C1orf21: variants seen among roughly 807,000 people sequenced by gnomAD.
C1orf21 encodes chromosome 1 open reading frame 21, also known as uncharacterized protein C1orf21.
A neutral mutation model predicts 18.7 loss-of-function variants in C1orf21; 3 were observed. The observed-to-expected ratio is 0.16, with a 90% CI of 0.07 to 0.42. C1orf21 has a LOEUF of 0.42. Ranked by LOEUF, C1orf21 falls within the 10% of genes least tolerant of loss-of-function variation. C1orf21 has a pLI of 0.99. For synonymous variants in C1orf21, 41 were observed against 46.4 expected (o/e 0.88, Z 0.47); for missense variants, 104 against 143.6 (o/e 0.72, Z 1.41).
intron 3 of C1orf21, among the ~76,000 whole-genome samples, chr1:184,535,156 G>T (rs1037808231): frequency 3.9e-5 from 6 of 152,330 alleles, no homozygotes; most frequent in Non-Finnish European, 8.8e-5. Flanking sequence ...ACTACGATCT[G>T]TTGTAGGGAA....
At chr1:184,617,872 A>C (rs1307407826) in intron 5 of C1orf21, among the ~76,000 whole-genome samples, 1 of 150,742 alleles carries the variant, frequency 6.6e-6, no homozygotes, top group African/African-American at 2.4e-5. Flanking sequence ...CACAGGCCTG[A>C]AGACTTCATT....
intron 4 of C1orf21, among the ~76,000 whole-genome samples, chr1:184,596,957 GA>G (rs1046121561): frequency 6.6e-6 from 1 of 151,866 alleles, no homozygotes; most frequent in Admixed American, 6.6e-5. Flanking sequence ...ATGAAATTTA[GA>G]AAGATTTGCA....
intron 3 of C1orf21, chr1:184,566,969 A>C: frequency 3.8e-6 from 2 of 528,136 alleles, no homozygotes; most frequent in South Asian, 2.8e-5. Context: ...CTTCTCTGTG[A>C]ATCAGGGTCC....
chr1:184,552,375 A>C (rs1366232976), intron 3 of C1orf21, among the ~76,000 whole-genome samples: 1 of 152,224 alleles, frequency 6.6e-6, no homozygotes, highest in Non-Finnish European at 1.5e-5. Context: ...AGAAATTGGC[A>C]ACTTTTTTGT....
In C1orf21 at chr1:184,591,530, G is replaced by A. The variant is rs533879414; in HGVS notation, c.266+715G>A. Among the ~76,000 whole-genome samples the A allele has an allele frequency of 2.0e-5, 3 of 152,312 alleles. No individual in the cohort carries two copies. In the South Asian group the frequency reaches 6.2e-4, roughly 32 times the overall value. ...AAATGTCCATTGAAAATATAGGTCG[G>A]GCATGGTGGCTCACGCCTGTAATCC... On this transcript the variant is annotated intron_variant, in intron 4 of 5. Transcript: ENST00000235307.
At chr1:184,543,214 G>T (rs772685306) in intron 3 of C1orf21, among the ~76,000 whole-genome samples, 3 of 152,126 alleles carry the variant, frequency 2.0e-5, no homozygotes, top group Non-Finnish European at 4.4e-5. Context: ...GGGCTAGGTG[G>T]TGGTGTGTGC....
chr1:184,395,686 A>C (rs942702652), intron 1 of C1orf21, among the ~76,000 whole-genome samples: 2 of 152,146 alleles, frequency 1.3e-5, no homozygotes, highest in Admixed American at 6.5e-5. Context: ...AGTGGGAAGC[A>C]GACTGTGCAT....
At chr1:184,504,565 G>A (rs1459577631) in intron 2 of C1orf21, among the ~76,000 whole-genome samples, 1 of 152,188 alleles carries the variant, frequency 6.6e-6, no homozygotes, top group Non-Finnish European at 1.5e-5. Flanking sequence ...GCCTTGCCTT[G>A]GGAATGTGTG....
At chr1:184,595,688 C>A (rs370751732) in intron 4 of C1orf21, among the ~76,000 whole-genome samples, 2 of 152,226 alleles carry the variant, frequency 1.3e-5, no homozygotes. Flanking sequence ...ACAGGTGACC[C>A]GTGTGGGCAT....
chr1:184,548,214 AACACACACAC>A (rs58174774), intron 3 of C1orf21, among the ~76,000 whole-genome samples: 1,567 of 140,026 alleles, frequency 0.011, 16 homozygotes, highest in African/African-American at 0.029. Context: ...TCAAATCCCC[AACACACACAC>A]ACACACACAC....
intron 3 of C1orf21, chr1:184,568,331 T>C (rs1049128230): frequency 7.0e-5 from 30 of 429,710 alleles, no homozygotes; most frequent in Non-Finnish European, 1.4e-5. Flanking sequence ...CAGGACTTTT[T>C]TCATCTTGCA....
At chr1:184,388,610 G>A (rs1017842838) in intron 1 of C1orf21, among the ~76,000 whole-genome samples, 1 of 150,572 alleles carries the variant, frequency 6.6e-6, no homozygotes, top group Admixed American at 6.6e-5. Context: ...ATTCCATGGA[G>A]TATTTTTTTC....
At position 184,505,547 on chromosome 1, in the gene C1orf21, G is replaced by C. The variant is rs547680949; in HGVS notation, c.95-2041G>C. On this transcript the variant is annotated intron_variant, in intron 2 of 5. Transcript: ENST00000235307. The stretch of plus-strand genomic sequence containing the variant: ...GGAGGCCGAGGCAGATGGATCACCT[G>C]AGGTCAGGAGTTCGAGACCACCCTG... Among the ~76,000 whole-genome samples, 270 of 151,766 alleles carry C rather than the reference G, an allele frequency of 1.8e-3. 1 individual carries two copies. The highest frequency in any genetic ancestry group is 6.2e-3 in the African/African-American group (257 of 41,408).
At chr1:184,478,174 A>G (rs560460537) in intron 2 of C1orf21, among the ~76,000 whole-genome samples, 5 of 152,298 alleles carry the variant, frequency 3.3e-5, no homozygotes, top group African/African-American at 1.2e-4. Flanking sequence ...AGGACTAAAA[A>G]CAGAAGTCCA....
intron 3 of C1orf21, chr1:184,566,758 G>A (rs1046720609): frequency 2.5e-6 from 1 of 398,578 alleles, no homozygotes; most frequent in African/African-American, 2.1e-5. Flanking sequence ...TGGCAGGAAA[G>A]GCTGGCTGGT....
At chr1:184,493,318 C>A (rs953730027) in intron 2 of C1orf21, among the ~76,000 whole-genome samples, 3 of 152,136 alleles carry the variant, frequency 2.0e-5, no homozygotes, top group African/African-American at 7.2e-5. Context: ...TATAAATGTA[C>A]ATTTACATTT....
chr1:184,460,068 G>C (rs1308023081), intron 1 of C1orf21, among the ~76,000 whole-genome samples: 1 of 152,174 alleles, frequency 6.6e-6, no homozygotes, highest in Non-Finnish European at 1.5e-5. Flanking sequence ...ACCAAGGTTA[G>C]CAGAGCCAAC....
chr1:184,414,541 G>GT (rs2101963784), intron 1 of C1orf21, among the ~76,000 whole-genome samples: 1 of 151,932 alleles, frequency 6.6e-6, no homozygotes. Context: ...GAATTACTGT[G>GT]TTTGTGTACA....
At chr1:184,603,474 T>C (rs1659611087) in intron 5 of C1orf21, among the ~76,000 whole-genome samples, 1 of 152,208 alleles carries the variant, frequency 6.6e-6, no homozygotes, top group Non-Finnish European at 1.5e-5. Flanking sequence ...AAGAGCAGTA[T>C]GTGGACTTAA....
Sources: allele counts gnomAD v4.1 joint callset (sites outside exome capture counted in the v4.1 genomes callset), GRCh38; gene constraint gnomAD v4.1.1; transcripts MANE v1.5; gene names NCBI Gene and HGNC (gene_info 2026-07-23, HGNC 2026-07-21).